The following PRSS38 variants were observed in gnomAD, a reference collection of about 807,000 sequenced individuals.
The protein encoded by PRSS38 is marapsin 2.
In PRSS38, 22 loss-of-function variants were observed where a neutral mutation model predicts 26.8. The observed-to-expected ratio is 0.82, with a 90% CI of 0.59 to 1.17. The LOEUF is 1.17. Among genes scored for constraint, PRSS38 ranks in the 50% most tolerant of loss-of-function variants. PRSS38 has a pLI of 0.00. For synonymous variants in PRSS38, 175 were observed against 172.1 expected, an observed-to-expected ratio of 1.02 and a Z score of -0.13; for missense variants, 427 against 422.7, an observed-to-expected ratio of 1.01 and a Z score of -0.09.
At chr1:227,846,133 C>T in exon 5 of PRSS38, 9 of 1,614,026 alleles carry the variant, frequency 5.6e-6, no homozygotes, top group South Asian at 1.1e-5. Flanking sequence ...CTCAGCCAGC[C>T]CCTGCTCTCT....
At position 227,846,075 on chromosome 1, in the gene PRSS38, A is replaced by G. The variant is rs760324545; in HGVS notation, c.848A>G (p.Tyr283Cys). 5.0e-6 allele frequency: 8 copies of G among 1,614,024 alleles called. No individual in the cohort carries two copies. Among genetic ancestry groups the G allele is most frequent in the Middle Eastern group, 1.6e-4 (1 of 6,084 alleles). Reference sequence around the variant, plus strand: ...CCTGGAGTGTATGCCAGTGTTTCCTATTTCTCAAAATGGATATGTGATAAC... The same window carrying G: ...CCTGGAGTGTATGCCAGTGTTTCCTGTTTCTCAAAATGGATATGTGATAAC... The change falls in exon 5 of 5, where the codon TAT becomes TGT. Residue 283 changes from tyrosine to cysteine, a missense_variant. By Grantham distance (194) the Tyr-to-Cys change is radical (BLOSUM62 -2). Transcript: ENST00000366757.
chr1:227,815,912 G>A, intron 1 of PRSS38, 48 bp downstream of exon 1: 1 of 1,559,200 alleles, frequency 6.4e-7, no homozygotes, highest in Non-Finnish European at 8.7e-7. Context: ...CAGTGCCCTT[G>A]GGGCGTCTGT....
intron 3 of PRSS38, among the ~76,000 whole-genome samples, chr1:227,841,560 C>T (rs1478217628): frequency 2.0e-5 from 3 of 152,168 alleles, no homozygotes; most frequent in East Asian, 3.9e-4. Context: ...CTTCTTTAAC[C>T]CCTTATACTT....
intron 1 of PRSS38, 68 bp downstream of exon 1, chr1:227,815,932 G>A (rs999599839): frequency 1.3e-6 from 2 of 1,535,868 alleles, no homozygotes; most frequent in Non-Finnish European, 1.8e-6. Context: ...TCGGTGCTGG[G>A]CCTCCTCCCC....
chr1:227,820,829 CA>C, intron 3 of PRSS38, among the ~76,000 whole-genome samples: 1 of 152,002 alleles, frequency 6.6e-6, no homozygotes, highest in East Asian at 1.9e-4. Flanking sequence ...TAGAATTTAC[CA>C]GTGAAGCCAT....
chr1:227,819,610 A>G (rs188151623), intron 3 of PRSS38, among the ~76,000 whole-genome samples: 228 of 152,318 alleles, frequency 1.5e-3, no homozygotes, highest in Middle Eastern at 6.8e-3. Flanking sequence ...ATAAACATGG[A>G]ATGTATTTCC....
chr1:227,829,124 C>T (rs560269302), intron 3 of PRSS38, among the ~76,000 whole-genome samples: 10 of 152,230 alleles, frequency 6.6e-5, no homozygotes, highest in South Asian at 2.1e-4. Context: ...AGTCCCAGCG[C>T]GAGAACCTGG....
intron 3 of PRSS38, among the ~76,000 whole-genome samples, chr1:227,824,775 A>T (rs979147658): frequency 6.6e-6 from 1 of 152,174 alleles, no homozygotes; most frequent in African/African-American, 2.4e-5. Context: ...GACTGACATG[A>T]GATGGTATCT....
intron 3 of PRSS38, among the ~76,000 whole-genome samples, chr1:227,820,246 A>G (rs950112028): frequency 4.6e-5 from 7 of 151,640 alleles, no homozygotes; most frequent in African/African-American, 1.7e-4. Flanking sequence ...CATGTCATCT[A>G]TGAATAGAGA....
rs181938298 is a variant in PRSS38, at chr1:227,836,698, A to T, written c.584-8772A>T. Among the ~76,000 whole-genome samples the T allele has an allele frequency of 7.3e-4, 110 of 150,728 alleles. 50 individuals are homozygous for T. Among genetic ancestry groups the T allele is most frequent in the East Asian group, 2.2e-3 (11 of 5,076 alleles). On this transcript the variant is annotated intron_variant, in intron 3 of 4. Coordinates refer to ENST00000366757, the Ensembl canonical transcript of PRSS38. ...CGAGACTCCGTCTCAAAAAAAAAAA[A>T]AAATAAAATAAAAGCTTCCATAACA...
intron 3 of PRSS38, among the ~76,000 whole-genome samples, chr1:227,818,065 T>G (rs1251043444): frequency 1.3e-5 from 2 of 152,202 alleles, no homozygotes; most frequent in Non-Finnish European, 2.9e-5. Context: ...AAGACTATTT[T>G]ATCACTCTCT....
At chr1:227,820,393 G>A (rs751618465) in intron 3 of PRSS38, among the ~76,000 whole-genome samples, 4 of 151,988 alleles carry the variant, frequency 2.6e-5, no homozygotes, top group Admixed American at 6.6e-5. Context: ...GATCTCATGG[G>A]AAATGCTTTC....
At chr1:227,818,734 T>G (rs10916216) in intron 3 of PRSS38, among the ~76,000 whole-genome samples, 1 of 150,396 alleles carries the variant, frequency 6.6e-6, no homozygotes, top group Admixed American at 6.6e-5. Flanking sequence ...GAATTTTTTT[T>G]CTTAGCTGAT....
intron 3 of PRSS38, among the ~76,000 whole-genome samples, chr1:227,826,560 T>C (rs1444315504): frequency 6.6e-6 from 1 of 151,886 alleles, no homozygotes; most frequent in South Asian, 2.1e-4. Flanking sequence ...ACTGAAAATA[T>C]AAAAAAGTAG....
At position 227,845,623 on chromosome 1, in the gene PRSS38, C is replaced by T. The variant is rs1461408533; in HGVS notation, c.726+11C>T. The T allele has an allele frequency of 1.9e-6, 3 of 1,611,482 alleles. No individual in the cohort carries two copies. The highest frequency in any genetic ancestry group is 2.5e-6 in the Non-Finnish European group (3 of 1,178,300). On this transcript the variant is annotated intron_variant, in intron 4 of 4. Coordinates refer to ENST00000366757, the Ensembl canonical transcript of PRSS38. ...AAGACCGTGTGTGAGGTGTGCCCCT[C>T]CTGGTCCATGAGACAGAGGTCATGG...
At position 227,838,400 on chromosome 1, in the gene PRSS38, T is replaced by C. The variant is rs565242914; in HGVS notation, c.584-7070T>C. Among the ~76,000 whole-genome samples the C allele has an allele frequency of 8.5e-5, 13 of 152,362 alleles. 1 individual carries two copies. Among genetic ancestry groups the C allele is most frequent in the Admixed American group, 8.5e-4 (13 of 15,306 alleles). On this transcript the variant is annotated intron_variant, in intron 3 of 4. Coordinates refer to ENST00000366757, the Ensembl canonical transcript of PRSS38. ...TGTGGTGCTGTCCATGGCCCTCTCC[T>C]GAGCACCGCCCTGCAGATGAGCGTT...
chr1:227,846,132 C>G (rs757799317), exon 5 of PRSS38: 1 of 1,613,930 alleles, frequency 6.2e-7, no homozygotes, highest in Admixed American at 1.7e-5. Context: ...GCTCAGCCAG[C>G]CCCTGCTCTC....
In PRSS38 at chr1:227,821,611, G is replaced by A. The variant is rs1222506439; in HGVS notation, c.583+4131G>A. Among the ~76,000 whole-genome samples the A allele has an allele frequency of 2.0e-5, 3 of 152,060 alleles. No homozygotes were observed. In the East Asian group the frequency reaches 5.8e-4, roughly 29 times the overall value. Reference sequence around the variant, plus strand: ...TGAAGGACGATGTTGTCAGATATAGGATTCTTGGTTGAAAGGTTTTTTCTT... The same window carrying A: ...TGAAGGACGATGTTGTCAGATATAGAATTCTTGGTTGAAAGGTTTTTTCTT... On this transcript the variant is annotated intron_variant, in intron 3 of 4. Coordinates refer to ENST00000366757, the Ensembl canonical transcript of PRSS38.
chr1:227,824,854 G>A (rs1410462980), intron 3 of PRSS38, among the ~76,000 whole-genome samples: 1 of 152,108 alleles, frequency 6.6e-6, no homozygotes, highest in Non-Finnish European at 1.5e-5. Context: ...TTTGTTGGCT[G>A]TATGTATGTC....
Sources: gnomAD v4.1 joint callset for allele counts (sites outside exome capture counted in the v4.1 genomes callset) on GRCh38, gnomAD v4.1.1 for gene constraint, MANE v1.5 for transcripts, NCBI Gene and HGNC (gene_info 2026-07-23, HGNC 2026-07-21) for gene names.